Variants in PRKAG2 observed in about 807,000 individuals in gnomAD.
The protein encoded by PRKAG2 is 5'-AMP-activated protein kinase subunit gamma-2.
PRKAG2 carries 26 observed loss-of-function variants against 69.6 expected under a neutral mutation model. The ratio of observed to expected loss-of-function variants is 0.37; its 90% CI spans 0.27 to 0.52. The LOEUF is 0.52. PRKAG2 is among the 20% of genes least tolerant of loss of function. PRKAG2 has a pLI of 0.90. For missense variants in PRKAG2, 557 were observed against 740.0 expected (o/e 0.75, Z 2.87); for synonymous variants, 293 against 285.0 (o/e 1.03, Z -0.28).
At chr7:151,851,598 A>C (rs1173965799) in intron 1 of PRKAG2, among the ~76,000 whole-genome samples, 1 of 152,214 alleles carries the variant, frequency 6.6e-6, no homozygotes, top group African/African-American at 2.4e-5. Context: ...CTGTTCAGCC[A>C]AAATCACAGG....
intron 1 of PRKAG2, among the ~76,000 whole-genome samples, chr7:151,812,385 A>T (rs1190123972): frequency 6.6e-6 from 1 of 152,214 alleles, no homozygotes; most frequent in Non-Finnish European, 1.5e-5. Context: ...GAAGAAAAAG[A>T]TCTATAGTTT....
chr7:151,742,903 G>A (rs768210567), intron 3 of PRKAG2, among the ~76,000 whole-genome samples: 5 of 152,186 alleles, frequency 3.3e-5, no homozygotes, highest in Non-Finnish European at 7.3e-5. Context: ...TGGATCCCAC[G>A]ATTAGAGATG....
rs567912990 is a variant in PRKAG2 at position 151,580,486 on chromosome 7, A to G, written c.865-4034T>C. On this transcript the variant is annotated intron_variant, in intron 6 of 15. Transcript: ENST00000287878. The stretch of plus-strand genomic sequence containing the variant: ...ATAAATCAATACTGCATAAAGCCAG[A>G]GTAATGATATCCTGTGGGATTCATA... Among the ~76,000 whole-genome samples, 137 of 152,370 alleles carry G rather than the reference A, an allele frequency of 9.0e-4. 1 individual carries two copies. The highest frequency in any genetic ancestry group is 3.2e-3 in the African/African-American group (135 of 41,586).
intron 4 of PRKAG2, among the ~76,000 whole-genome samples, chr7:151,668,445 T>C (rs1045338238): frequency 6.6e-6 from 1 of 152,204 alleles, no homozygotes; most frequent in East Asian, 1.9e-4. Flanking sequence ...AAGAAGAGCA[T>C]AGAGAATTCA....
At chr7:151,601,134 A>G (rs902876684) in intron 5 of PRKAG2, among the ~76,000 whole-genome samples, 2 of 152,142 alleles carry the variant, frequency 1.3e-5, no homozygotes, top group Non-Finnish European at 2.9e-5. Context: ...GGTTACCCAC[A>G]GGGGGACACA....
rs548139060 is a variant in PRKAG2, at chr7:151,621,289, GA to G, written c.754+10779del. Among the ~76,000 whole-genome samples the G allele has an allele frequency of 1.8e-3, 274 of 152,298 alleles. 2 individuals are homozygous for G. Among genetic ancestry groups the G allele is most frequent in the Middle Eastern group, 0.017 (5 of 294 alleles). ...TTTAAATAAGGCATTAACTGTTCCT[GA>G]AAAGTTTTACAGAATTCATCCATAA... On this transcript the variant is annotated intron_variant, in intron 5 of 15. Transcript: ENST00000287878.
intron 15 of PRKAG2, chr7:151,558,039 C>T: frequency 1.0e-6 from 1 of 985,328 alleles, no homozygotes; most frequent in South Asian, 4.7e-5. Flanking sequence ...TCACCAGACG[C>T]TAGACCCCTG....
chr7:151,681,504 TG>T (rs1429667884), intron 3 of PRKAG2, among the ~76,000 whole-genome samples: 1 of 152,176 alleles, frequency 6.6e-6, no homozygotes, highest in Non-Finnish European at 1.5e-5. Flanking sequence ...TGAACCCTCC[TG>T]GAACCTAACA....
At chr7:151,606,260 A>C (rs963624975) in intron 5 of PRKAG2, among the ~76,000 whole-genome samples, 3 of 152,214 alleles carry the variant, frequency 2.0e-5, no homozygotes, top group Non-Finnish European at 4.4e-5. Flanking sequence ...AACATCAATC[A>C]CAACAAAAGT....
chr7:151,842,673 ATGATGGTAG>A (rs769073589), intron 1 of PRKAG2, among the ~76,000 whole-genome samples: 2 of 134,002 alleles, frequency 1.5e-5, no homozygotes, highest in African/African-American at 5.8e-5. Context: ...GTAGGTAGTG[ATGATGGTAG>A]TGATGGTAGG....
rs548179538 is a variant in PRKAG2, at chr7:151,689,583, G to A, written c.467-13946C>T. ...CGGCAGAGGCGGGGATGGGGAGACC[G>A]TCTGTGAGTGTGGTTCCTGCCCGGC... On this transcript the variant is annotated intron_variant, in intron 3 of 15. Transcript: ENST00000287878. Among the ~76,000 whole-genome samples the A allele has an allele frequency of 8.9e-4, 135 of 152,288 alleles. 1 individual carries two copies. In the South Asian group the frequency reaches 0.02, roughly 22 times the overall value.
In PRKAG2 at chr7:151,801,553, C is replaced by T. The variant is rs369903446; in HGVS notation, c.115-15012G>A. Among the ~76,000 whole-genome samples, 8 of 152,312 alleles carry T rather than the reference C, an allele frequency of 5.3e-5. No individual in the cohort carries two copies. In the East Asian group the frequency reaches 1.5e-3, roughly 29 times the overall value. ...AGGGCTCGCTGGGCAGCTGGTTCATCGGGGAGACTACGTGGTGCAGAAAAG... is the reference window on the plus strand; with the variant it reads ...AGGGCTCGCTGGGCAGCTGGTTCATTGGGGAGACTACGTGGTGCAGAAAAG... On this transcript the variant is annotated intron_variant, in intron 1 of 15. Transcript: ENST00000287878.
intron 3 of PRKAG2, among the ~76,000 whole-genome samples, chr7:151,760,310 C>T (rs1204627635): frequency 6.6e-6 from 1 of 152,184 alleles, no homozygotes; most frequent in Admixed American, 6.5e-5. Context: ...GATCTCGGCT[C>T]ACTGCAACCT....
At chr7:151,610,634 G>A (rs1818568436) in intron 5 of PRKAG2, among the ~76,000 whole-genome samples, 3 of 151,014 alleles carry the variant, frequency 2.0e-5, no homozygotes, top group South Asian at 2.1e-4. Flanking sequence ...CTGATATCGC[G>A]CCACTGCACT....
At chr7:151,687,535 A>G (rs192888322) in intron 3 of PRKAG2, among the ~76,000 whole-genome samples, 4 of 152,332 alleles carry the variant, frequency 2.6e-5, no homozygotes, top group Admixed American at 2.0e-4. Flanking sequence ...TGCTGTGGAG[A>G]TGAACTCTGC....
chr7:151,807,875 C>A lies in PRKAG2; in HGVS notation c.115-21334G>T, dbSNP rs2078198710. ...TGGAGACAACGGCCAAACAGAAAAA[C>A]CGCTTGGAGAATAAAAGTCGGGGGA... On this transcript the variant is annotated intron_variant, in intron 1 of 15. Transcript: ENST00000287878. This position sits in a 1 kb window ranked among gnomAD's most constrained non-coding sequence, Gnocchi z 4.4. Among the ~76,000 whole-genome samples, 1 of 152,104 alleles carries A rather than the reference C, an allele frequency of 6.6e-6. No individual in the cohort carries two copies. The highest frequency in any genetic ancestry group is 6.6e-5 in the Admixed American group (1 of 15,262).
chr7:151,769,497 C>T (rs1461275576), intron 3 of PRKAG2, among the ~76,000 whole-genome samples: 10 of 152,200 alleles, frequency 6.6e-5, no homozygotes, highest in East Asian at 3.8e-4. Flanking sequence ...TACGCATCTA[C>T]GAGCCAAGGA....
intron 1 of PRKAG2, among the ~76,000 whole-genome samples, chr7:151,873,986 T>C (rs902935402): frequency 1.7e-4 from 25 of 151,200 alleles, no homozygotes; most frequent in Non-Finnish European, 3.5e-4. Context: ...GATGTATATG[T>C]ATATGTATAT....
At chr7:151,702,100 T>C (rs1358271340) in intron 3 of PRKAG2, among the ~76,000 whole-genome samples, 1 of 152,220 alleles carries the variant, frequency 6.6e-6, no homozygotes, top group Non-Finnish European at 1.5e-5. Flanking sequence ...AACAGCCAGA[T>C]GTGGCTGGTG....
Sources: gnomAD v4.1 joint callset for allele counts (sites outside exome capture counted in the v4.1 genomes callset) on GRCh38, gnomAD v4.1.1 for gene constraint, Gnocchi (gnomAD v3.1) non-coding constraint, MANE v1.5 for transcripts, NCBI Gene and HGNC (gene_info 2026-07-23, HGNC 2026-07-21) for gene names.